NONO: variants seen among roughly 807,000 people sequenced by gnomAD.
NONO encodes non-POU domain containing octamer binding, also known as non-POU domain-containing octamer-binding protein.
Under a neutral mutation model 40.2 loss-of-function variants are expected in NONO, and 6 were observed. The observed-to-expected ratio is 0.15, with a 90% CI of 0.08 to 0.29. The LOEUF (loss-of-function observed/expected upper bound fraction) is 0.29, where lower values mean the gene tolerates loss of function less well. NONO is among the 10% of genes least tolerant of loss of function. The pLI, the probability that NONO is intolerant of heterozygous loss-of-function variation, is 1.00. For missense variants in NONO, 133 were observed against 397.8 expected, an observed-to-expected ratio of 0.33 and a Z score of 5.66; for synonymous variants, 89 against 123.3, an observed-to-expected ratio of 0.72 and a Z score of 1.85.
chrX:71,296,359 G>A lies in NONO; in HGVS notation c.651-206G>A, dbSNP rs183590611. On this transcript the variant is annotated intron_variant, in intron 5 of 11. Transcript: ENST00000276079. ...GAACTCCTGACCTCATGATTCACCC[G>A]CCTCGTCCTCCCAAAGTGCTGGGAT... is the stretch of plus-strand genomic sequence containing the variant. Among the ~76,000 whole-genome samples the A allele has an allele frequency of 1.3e-3, 145 of 110,641 alleles. 1 individual carries two copies. In the East Asian group the frequency reaches 0.038, roughly 29 times the overall value.
Position 71,297,948 on chromosome X carries a change from C to T in NONO, c.1131+10C>T. 9.0e-7 allele frequency: 1 copy of T among 1,109,530 alleles called. No homozygotes were observed. The highest frequency in any genetic ancestry group is 1.9e-5 in the South Asian group (1 of 53,635). The allele number at this position is 1,109,530 out of a possible 1,213,427, so 91.4% of individuals were successfully genotyped here. ...AACCTTCCCTGATGCGGTATATCTC[C>T]CATGTGCCCGTGATGTACCAGACCA... On this transcript the variant is annotated intron_variant, in intron 9 of 11. Coordinates refer to ENST00000276079, the MANE Select transcript of NONO (RefSeq NM_007363.5).
intron 7 of NONO, 147 bp from the exon 8 acceptor site, chrX:71,297,230 A>G (rs1482045357): frequency 1.5e-5 from 10 of 656,100 alleles, no homozygotes; most frequent in African/African-American, 4.5e-5. Context: ...GAAGGAAATG[A>G]TAGGTATAAC....
At chrX:71,287,462 C>T (rs1013870144) in intron 2 of NONO, among the ~76,000 whole-genome samples, 3 of 111,659 alleles carry the variant, frequency 2.7e-5, no homozygotes, top group African/African-American at 6.5e-5. Flanking sequence ...ACTGCAATCT[C>T]GTCCTCCTTG....
At chrX:71,298,447 T>C (rs763617037) in intron 9 of NONO, 22 bp from the exon 10 acceptor site, 2 of 1,200,600 alleles carry the variant, frequency 1.7e-6, no homozygotes, top group East Asian at 3.0e-5. Context: ...TTGGACTGTC[T>C]TGAGTATTTT....
At chrX:71,288,454 C>T (rs867396358) in intron 2 of NONO, among the ~76,000 whole-genome samples, 8 of 111,318 alleles carry the variant, frequency 7.2e-5, no homozygotes, top group African/African-American at 2.0e-4. Context: ...TGCAATGGCA[C>T]AATCTCGGCT....
At chrX:71,290,448 A>G (rs1172985208) in intron 2 of NONO, among the ~76,000 whole-genome samples, 181 bp from the exon 3 acceptor site, 1 of 111,255 alleles carries the variant, frequency 9.0e-6, no homozygotes, top group Non-Finnish European at 1.9e-5. Flanking sequence ...TAGTTTCCAT[A>G]TGCAGCACTG....
intron 2 of NONO, among the ~76,000 whole-genome samples, chrX:71,289,287 A>G (rs1324782550): frequency 1.8e-5 from 2 of 110,937 alleles, no homozygotes; most frequent in Non-Finnish European, 3.8e-5. Context: ...ATTTTTTAAA[A>G]TTTTTTATTT....
chrX:71,293,000 T>G (rs1314428604), intron 4 of NONO: 1 of 112,465 alleles, frequency 8.9e-6, no homozygotes, highest in Non-Finnish European at 1.9e-5. Context: ...TAAAATTTAC[T>G]ATCTTAACCG....
intron 11 of NONO, among the ~76,000 whole-genome samples, chrX:71,299,563 G>C (rs765704499): frequency 8.9e-6 from 1 of 112,216 alleles, no homozygotes; most frequent in Non-Finnish European, 1.9e-5. Context: ...TTTGGTTATG[G>C]TGTTAAAATG....
chrX:71,291,405 GT>G (rs56948894), intron 3 of NONO, among the ~76,000 whole-genome samples: 11 of 102,345 alleles, frequency 1.1e-4, no homozygotes, highest in East Asian at 3.0e-4. Flanking sequence ...TTTGTTTTTT[GT>G]TTTTTTTTTT....
chrX:71,298,765 C>T lies in NONO; in HGVS notation c.1230C>T (p.Thr410=), dbSNP rs1326344913. The T allele has an allele frequency of 4.1e-6, 5 of 1,206,585 alleles. No homozygotes were observed. The highest frequency in any genetic ancestry group is 5.6e-6 in the Non-Finnish European group (5 of 893,118). The part of the protein sequence containing the change: ...AMPPAPVPAG[T]PAPPGPATMM... ...CCCCTGCTCCTGTGCCAGCTGGTAC[C>T]CCAGCTCCTCCAGGACCTGCCACTA... The change falls in exon 11 of 12, where the codon ACC becomes ACT. Residue 410 remains threonine, a synonymous_variant. Transcript: ENST00000276079.
intron 2 of NONO, among the ~76,000 whole-genome samples, chrX:71,288,119 C>CTTTTTTTTTTTTTTT (rs41517053): frequency 1.9e-4 from 10 of 53,856 alleles, no homozygotes; most frequent in Non-Finnish European, 2.1e-4. Context: ...TTATTTTTAT[C>CTTTTTTTTTTTTTTT]TTTTTTTTTT....
At chrX:71,284,699 T>C (rs910825893) in intron 2 of NONO, among the ~76,000 whole-genome samples, 1 of 112,082 alleles carries the variant, frequency 8.9e-6, no homozygotes, top group Non-Finnish European at 1.9e-5. Flanking sequence ...CCTAAGAAAC[T>C]CTTAGAGAAG....
chrX:71,290,146 A>T (rs973657574), intron 2 of NONO, among the ~76,000 whole-genome samples: 2 of 110,600 alleles, frequency 1.8e-5, no homozygotes, highest in Admixed American at 1.9e-4. Flanking sequence ...TCCTGGGCTC[A>T]AGTGATCCTC....
Position 71,297,897 on chromosome X carries a change from C to A in NONO, c.1090C>A (p.Arg364=), listed in dbSNP as rs756085254. The A allele has an allele frequency of 8.3e-7, 1 of 1,205,602 alleles. No homozygotes were observed. The highest frequency in any genetic ancestry group is 1.1e-6 in the Non-Finnish European group (1 of 891,452). The stretch of plus-strand genomic sequence containing the variant: ...GCGGCGGCAGCAAGAAGAAATGATG[C>A]GGCGACAGCAGGAAGGATTCAAGGG... ...EMRRQQEEMM[R]RQQEGFKGTF... The change falls in exon 9 of 12, where the codon CGG becomes AGG. Residue 364 remains arginine (R), a synonymous_variant. Transcript: ENST00000276079.
At chrX:71,284,931 A>C (rs2031155266) in intron 2 of NONO, 2 of 112,631 alleles carry the variant, frequency 1.8e-5, no homozygotes, top group African/African-American at 3.2e-5. Context: ...TCTCAGGGAC[A>C]CAAGTAGACA....
intron 2 of NONO, among the ~76,000 whole-genome samples, chrX:71,285,844 G>A (rs1029775278): frequency 1.8e-5 from 2 of 111,992 alleles, no homozygotes; most frequent in African/African-American, 6.5e-5. Flanking sequence ...AACGACCCAG[G>A]TGTCCAACAC....
intron 4 of NONO, among the ~76,000 whole-genome samples, chrX:71,293,372 C>T (rs2031366993): frequency 9.0e-6 from 1 of 110,821 alleles, no homozygotes; most frequent in Non-Finnish European, 1.9e-5. Flanking sequence ...CACTTGAGGT[C>T]AGGAGTTTGA....
intron 2 of NONO, among the ~76,000 whole-genome samples, chrX:71,287,023 A>C (rs1326538128): frequency 8.9e-6 from 1 of 112,210 alleles, no homozygotes; most frequent in Non-Finnish European, 1.9e-5. Context: ...TCATCATCAA[A>C]ATCAATAGTT....
Sources: allele counts gnomAD v4.1 joint callset (sites outside exome capture counted in the v4.1 genomes callset), GRCh38; gene constraint gnomAD v4.1.1; transcripts MANE v1.5; gene names NCBI Gene and HGNC (gene_info 2026-07-23, HGNC 2026-07-21).